LONRF3: variants seen among roughly 807,000 people sequenced by gnomAD.
The protein encoded by LONRF3 is LON peptidase N-terminal domain and RING finger protein 3.
In LONRF3, 19 loss-of-function variants were observed where a neutral mutation model predicts 51.7. That is an observed-to-expected ratio of 0.37 (90% CI 0.26 to 0.54). LONRF3 has a LOEUF of 0.54. Among genes scored for constraint, LONRF3 ranks in the 20% least tolerant of loss-of-function variants. The pLI is 0.86. For missense variants in LONRF3, 521 were observed against 623.9 expected, an observed-to-expected ratio of 0.84 and a Z score of 1.76; for synonymous variants, 265 against 257.8, an observed-to-expected ratio of 1.03 and a Z score of -0.27.
chrX:118,990,400 T>G (rs1215470754), intron 4 of LONRF3, 70 bp from the exon 5 acceptor site: 4 of 825,721 alleles, frequency 4.8e-6, no homozygotes, highest in Non-Finnish European at 7.2e-6. Context: ...ATTGGATTAT[T>G]TTGCCTCAGA....
chrX:118,980,305 T>A (rs765921512), intron 2 of LONRF3, among the ~76,000 whole-genome samples: 2 of 112,427 alleles, frequency 1.8e-5, no homozygotes, highest in Admixed American at 9.4e-5. Context: ...CTGGACAGCT[T>A]CCTGTAATCC....
At chrX:118,976,813 C>G (rs186287472) in intron 1 of LONRF3, 2 of 113,084 alleles carry the variant, frequency 1.8e-5, no homozygotes, top group Non-Finnish European at 3.7e-5. Flanking sequence ...CGAAGCATGC[C>G]GGGGAGGAGG....
At chrX:119,016,795 A>G (rs1345435340) in intron 10 of LONRF3, among the ~76,000 whole-genome samples, 1 of 112,000 alleles carries the variant, frequency 8.9e-6, no homozygotes, top group African/African-American at 3.2e-5. Flanking sequence ...TACATGGACT[A>G]TTGCCTTCAG....
At chrX:118,986,930 C>T in intron 3 of LONRF3, 1 of 1,154,170 alleles carries the variant, frequency 8.7e-7, no homozygotes, top group Non-Finnish European at 1.1e-6. Flanking sequence ...CACAGCTTCT[C>T]CTTAGTTTCT....
At chrX:118,996,338 T>G (rs1471966294) in intron 5 of LONRF3, among the ~76,000 whole-genome samples, 1 of 111,047 alleles carries the variant, frequency 9.0e-6, no homozygotes, top group Non-Finnish European at 1.9e-5. Flanking sequence ...GAGAAAGAAA[T>G]AAAGGGCATC....
chrX:119,006,011 C>T, intron 5 of LONRF3, 110 bp from the exon 6 acceptor site: 1 of 440,733 alleles, frequency 2.3e-6, no homozygotes, highest in Non-Finnish European at 4.0e-6. Flanking sequence ...AAAAGAACTC[C>T]TCCCCCACCC....
At chrX:118,978,322 G>A in intron 1 of LONRF3, 23 bp from the exon 2 acceptor site, 1 of 1,083,702 alleles carries the variant, frequency 9.2e-7, no homozygotes. Flanking sequence ...ATTAATAAAG[G>A]TTTTTCTTTC....
chrX:119,001,603 T>C (rs969952264), intron 5 of LONRF3, among the ~76,000 whole-genome samples: 1 of 111,698 alleles, frequency 9.0e-6, no homozygotes, highest in Non-Finnish European at 1.9e-5. Context: ...AATATAGAAA[T>C]GAATTGAGTA....
chrX:118,988,867 T>C (rs1923203940), intron 3 of LONRF3, among the ~76,000 whole-genome samples: 1 of 109,135 alleles, frequency 9.2e-6, no homozygotes, highest in South Asian at 4.1e-4. Flanking sequence ...CTTGTTCATT[T>C]GACCAGTGTA....
chrX:118,977,584 T>C (rs1922185871), intron 1 of LONRF3, among the ~76,000 whole-genome samples: 1 of 112,478 alleles, frequency 8.9e-6, no homozygotes, highest in African/African-American at 3.2e-5. Context: ...TGACCAGTTA[T>C]CAGTGACTGC....
intron 5 of LONRF3, among the ~76,000 whole-genome samples, chrX:119,004,183 A>C (rs1924539581): frequency 9.0e-6 from 1 of 111,445 alleles, no homozygotes; most frequent in East Asian, 2.8e-4. Flanking sequence ...TTTTTTAAAT[A>C]ACTTTGCTTT....
chrX:118,975,717 A>T, intron 1 of LONRF3, 120 bp downstream of exon 1: 59 of 116,661 alleles, frequency 5.1e-4, no homozygotes, highest in East Asian at 8.4e-4. Flanking sequence ...CGGGGGACCC[A>T]TGGACTGTGG....
At chrX:118,996,937 A>AT (rs1313032837) in intron 5 of LONRF3, among the ~76,000 whole-genome samples, 1 of 108,484 alleles carries the variant, frequency 9.2e-6, no homozygotes, top group Non-Finnish European at 1.9e-5. Flanking sequence ...AAAAAAAAAA[A>AT]AGCAAAGAAA....
intron 5 of LONRF3, among the ~76,000 whole-genome samples, chrX:118,999,436 T>C (rs1185641658): frequency 8.9e-6 from 1 of 111,763 alleles, no homozygotes; most frequent in East Asian, 2.8e-4. Flanking sequence ...AACACCGTTG[T>C]GGCTCTAAGC....
At position 119,017,407 on chromosome X, in the gene LONRF3, T is replaced by C. The variant is rs142033809; in HGVS notation, c.2125-128T>C. On this transcript the variant is annotated intron_variant, in intron 10 of 10. Transcript: ENST00000371628. ...GCTAAAATAAGGGGGAAAATAGATA[T>C]AGGGTCAATTAGCAATCTGCCACAT... 5 of 623,134 alleles carry C rather than the reference T, an allele frequency of 8.0e-6. No homozygotes were observed. In the South Asian group the frequency reaches 1.2e-4, roughly 15 times the overall value. 51.4% of individuals were successfully genotyped at this position (623,134 alleles called of 1,213,427 possible).
chrX:118,981,042 A>C lies in LONRF3; in HGVS notation c.937-1779A>C, dbSNP rs191011116. On this transcript the variant is annotated intron_variant, in intron 2 of 10. Transcript: ENST00000371628. ...CCCACCCTGATTTGCATATTTCCCA[A>C]CATTTCTATGTAAAATGCCCCAAGT... Among the ~76,000 whole-genome samples the C allele has an allele frequency of 4.5e-5, 5 of 111,651 alleles. No individual in the cohort carries two copies. In the Admixed American group the frequency reaches 4.7e-4, roughly 11 times the overall value.
Position 118,975,202 on chromosome X carries a change from C to T in LONRF3, c.422C>T (p.Thr141Met), listed in dbSNP as rs1569474088. The part of the protein sequence containing the change: ...TASGTVAAEE[T>M]GAAAAAAATE... ...AGCGGCACCGTGGCGGCGGAAGAGA[C>T]GGGGGCCGCCGCGGCTGCGGCGGCC... is the stretch of plus-strand genomic sequence containing the variant. The change falls in exon 1 of 11, where the codon ACG becomes ATG. Residue 141 changes from threonine (T) to methionine (M), a missense_variant. By Grantham distance (81) the Thr-to-Met change is moderately conservative (BLOSUM62 -1). Transcript: ENST00000371628. 1 of 1,167,614 alleles carries T rather than the reference C, an allele frequency of 8.6e-7. No homozygotes were observed.
At chrX:119,010,112 A>C (rs1330132212) in intron 7 of LONRF3, among the ~76,000 whole-genome samples, 1 of 111,707 alleles carries the variant, frequency 9.0e-6, no homozygotes, top group African/African-American at 3.3e-5. Flanking sequence ...GTTTGTGCAT[A>C]GTAAGCACTT....
intron 7 of LONRF3, among the ~76,000 whole-genome samples, chrX:119,009,924 C>T (rs775798531): frequency 2.7e-5 from 3 of 110,632 alleles, no homozygotes; most frequent in Non-Finnish European, 5.7e-5. Context: ...CATGCACCAC[C>T]ATGCCCAGCG....
Sources: gnomAD v4.1 joint callset for allele counts (sites outside exome capture counted in the v4.1 genomes callset) on GRCh38, gnomAD v4.1.1 for gene constraint, MANE v1.5 for transcripts, NCBI Gene and HGNC (gene_info 2026-07-23, HGNC 2026-07-21) for gene names.